Variants in FAAH2 observed in about 807,000 individuals in gnomAD.
The protein encoded by FAAH2 is fatty-acid amide hydrolase 2.
Under a neutral mutation model 36.9 loss-of-function variants are expected in FAAH2, and 60 were observed. The ratio of observed to expected loss-of-function variants is 1.63; its 90% CI spans 1.32 to 2.02. The LOEUF is 2.02. Among genes scored for constraint, FAAH2 ranks in the 30% most tolerant of loss-of-function variants. FAAH2 has a pLI of 0.00. For synonymous variants in FAAH2, 214 were observed against 143.8 expected, an observed-to-expected ratio of 1.49 and a Z score of -3.49; for missense variants, 689 against 397.5, an observed-to-expected ratio of 1.73 and a Z score of -6.23.
intron 7 of FAAH2, among the ~76,000 whole-genome samples, chrX:57,397,179 T>C (rs1433231582): frequency 1.8e-5 from 2 of 111,723 alleles, no homozygotes; most frequent in Admixed American, 1.9e-4. Context: ...GTGGGTGTCT[T>C]AGGCAACAGT....
At chrX:57,135,879 A>C in the FAAH2 span, 3 of 1,210,139 alleles carry the variant, frequency 2.5e-6, no homozygotes, top group Non-Finnish European at 3.4e-6. Flanking sequence ...AAACTTGATG[A>C]AATACACAGA....
intron 7 of FAAH2, among the ~76,000 whole-genome samples, chrX:57,429,393 T>G (rs1393646952): frequency 9.1e-6 from 1 of 110,200 alleles, no homozygotes; most frequent in Non-Finnish European, 1.9e-5. Flanking sequence ...TAAACAGACT[T>G]TTTCAAAAGA....
At chrX:57,210,603 C>T in the FAAH2 span, among the ~76,000 whole-genome samples, 2 of 112,349 alleles carry the variant, frequency 1.8e-5, no homozygotes, top group African/African-American at 6.5e-5. Context: ...AGGGATCTTA[C>T]TCAACCTTTC....
chrX:57,428,990 A>G (rs1484850898), intron 7 of FAAH2, among the ~76,000 whole-genome samples: 1 of 111,667 alleles, frequency 9.0e-6, no homozygotes, highest in East Asian at 2.8e-4. Flanking sequence ...CATCCAATAA[A>G]ATATTAATAA....
At chrX:57,137,447 G>T in the FAAH2 span, 1 of 617,823 alleles carries the variant, frequency 1.6e-6, no homozygotes, top group Non-Finnish European at 1.9e-6. Context: ...CTACCTCCCT[G>T]TTGGTGGCGG....
the FAAH2 span, chrX:57,136,889 CT>C: frequency 8.9e-6 from 6 of 674,003 alleles, no homozygotes; most frequent in Non-Finnish European, 1.1e-5. Context: ...TCCCTTTACC[CT>C]TTACTGCCAC....
chrX:57,157,253 A>C, the FAAH2 span, among the ~76,000 whole-genome samples: 1 of 111,640 alleles, frequency 9.0e-6, no homozygotes, highest in Admixed American at 9.5e-5. Context: ...TGTCCTGCTG[A>C]ATCTCAATTC....
intron 7 of FAAH2, among the ~76,000 whole-genome samples, chrX:57,420,145 G>A (rs1247845539): frequency 9.0e-6 from 1 of 111,726 alleles, no homozygotes; most frequent in Non-Finnish European, 1.9e-5. Flanking sequence ...TTTGAAGTCA[G>A]GTAGCATGAT....
the FAAH2 span, chrX:57,127,053 T>G: frequency 9.0e-6 from 1 of 111,331 alleles, no homozygotes; most frequent in East Asian, 2.8e-4. Context: ...GACTCCAAGT[T>G]ATGAGGTAAC....
At chrX:57,405,426 G>T (rs983999466) in intron 7 of FAAH2, among the ~76,000 whole-genome samples, 3 of 110,607 alleles carry the variant, frequency 2.7e-5, no homozygotes, top group African/African-American at 9.9e-5. Context: ...GACGAACCCA[G>T]GCACTTAGCC....
the FAAH2 span, among the ~76,000 whole-genome samples, chrX:57,206,785 C>G: frequency 3.6e-5 from 4 of 111,923 alleles, no homozygotes; most frequent in Middle Eastern, 4.6e-3. Context: ...TGCAATGTCC[C>G]CATAGGTTGT....
intron 8 of FAAH2, among the ~76,000 whole-genome samples, chrX:57,442,790 T>C (rs2056590810): frequency 8.9e-6 from 1 of 111,831 alleles, no homozygotes; most frequent in Non-Finnish European, 1.9e-5. Flanking sequence ...CAGGAGCTCT[T>C]GTAAGGCAGG....
At chrX:57,368,238 C>A (rs2054467878) in intron 5 of FAAH2, among the ~76,000 whole-genome samples, 1 of 107,704 alleles carries the variant, frequency 9.3e-6, no homozygotes. Context: ...ACCCCCACCC[C>A]CAAACCCAGA....
At chrX:57,220,617 G>A in the FAAH2 span, among the ~76,000 whole-genome samples, 1 of 112,315 alleles carries the variant, frequency 8.9e-6, no homozygotes, top group Non-Finnish European at 1.9e-5. Flanking sequence ...AACAGGCAGA[G>A]TTTCAAATGC....
chrX:57,412,871 C>T (rs764919256), intron 7 of FAAH2, among the ~76,000 whole-genome samples: 12 of 111,948 alleles, frequency 1.1e-4, no homozygotes, highest in Non-Finnish European at 1.9e-5. Flanking sequence ...TTCTCCACAC[C>T]CTCTCCAGCA....
At chrX:57,244,315 A>G in the FAAH2 span, among the ~76,000 whole-genome samples, 1 of 111,257 alleles carries the variant, frequency 9.0e-6, no homozygotes, top group Non-Finnish European at 1.9e-5. Context: ...AAGTTGGAAA[A>G]CACTCTTCAG....
chrX:57,318,560 A>G (rs1259674984), intron 3 of FAAH2, among the ~76,000 whole-genome samples: 1 of 111,926 alleles, frequency 8.9e-6, no homozygotes, highest in Non-Finnish European at 1.9e-5. Flanking sequence ...TCCCAGAACT[A>G]GATGGATTCA....
At chrX:57,356,116 G>C (rs1569287275) in intron 5 of FAAH2, among the ~76,000 whole-genome samples, 1 of 110,369 alleles carries the variant, frequency 9.1e-6, no homozygotes, top group Non-Finnish European at 1.9e-5. Context: ...TTTCATTCCA[G>C]CAATACATTT....
At chrX:57,461,665 C>T (rs915776452) in intron 10 of FAAH2, among the ~76,000 whole-genome samples, 8 of 110,741 alleles carry the variant, frequency 7.2e-5, no homozygotes, top group Admixed American at 4.8e-4. Context: ...TTAAGAGGGA[C>T]ATTTATAGCA....
Sources: gnomAD v4.1 joint callset for allele counts (sites outside exome capture counted in the v4.1 genomes callset) on GRCh38, gnomAD v4.1.1 for gene constraint, MANE v1.5 for transcripts, NCBI Gene and HGNC (gene_info 2026-07-23, HGNC 2026-07-21) for gene names.